The following ZNF445 variants were observed in gnomAD, a reference collection of about 807,000 sequenced individuals.
The protein encoded by ZNF445 is zinc finger protein 168.
In ZNF445, 19 loss-of-function variants were observed where a neutral mutation model predicts 93.9. That is an observed-to-expected ratio of 0.20 (90% confidence interval 0.14 to 0.30). The LOEUF is 0.30. ZNF445 is among the 10% of genes least tolerant of loss of function. ZNF445 has a pLI of 1.00. For synonymous variants in ZNF445, 449 were observed against 446.3 expected (o/e 1.01, Z -0.08); for missense variants, 1,058 against 1,259.4 (o/e 0.84, Z 2.42).
intron 4 of ZNF445, 118 bp downstream of exon 4, chr3:44,451,196 A>G (rs1697952155): frequency 1.5e-6 from 2 of 1,314,994 alleles, no homozygotes; most frequent in Non-Finnish European, 2.1e-6. Context: ...GAGGACAGAG[A>G]GCTAAGGGCC....
rs1697914989 is a variant in ZNF445, at chr3:44,448,713, T to C, written c.958A>G (p.Lys320Glu). Residue 320 changes from lysine (K) to glutamate (E), a missense_variant, in exon 8 of 8, where the codon AAA (lysine) becomes GAA (glutamate). Coordinates refer to ENST00000396077, the MANE Select transcript of ZNF445 (RefSeq NM_181489.6). ...AAAGGTTCCTGATTTAAGATGAATT[T>C]GTTTGTTTTACTCTGGAGGTCATCT... ...TGDDLQSKTN[K>E]FILNQEPLEE... The C allele has an allele frequency of 6.2e-7, 1 of 1,613,092 alleles. No individual in the cohort carries two copies. The highest frequency in any genetic ancestry group is 1.7e-5 in the Admixed American group (1 of 59,722).
In ZNF445 at chr3:44,448,284, C is replaced by G. The variant is rs758892823; in HGVS notation, c.1387G>C (p.Gly463Arg). ...GLKGNKKDVC[G>R]KDFSLSSHHQ... The stretch of plus-strand genomic sequence containing the variant: ...TGAGAGCTAAGGCTGAAGTCTTTTC[C>G]ACACACGTCCTTTTTGTTCCCTTTC... The change falls in exon 8 of 8, where the codon GGA becomes CGA. Residue 463 changes from glycine (G) to arginine (R), a missense_variant. Physicochemically the swap from Gly to Arg is moderately radical, Grantham distance 125 (BLOSUM62 -2). This residue lies in a region of ZNF445 where 657 missense variants were observed against 746.4 expected (regional missense o/e 0.88). Coordinates refer to ENST00000396077, the MANE Select transcript of ZNF445 (RefSeq NM_181489.6). The G allele has an allele frequency of 1.9e-6, 3 of 1,614,162 alleles. No homozygotes were observed. The South Asian group carries it at 3.3e-5, about 18-fold the overall frequency.
At position 44,447,696 on chromosome 3, in the gene ZNF445, G is replaced by A. The variant is rs753856451; in HGVS notation, c.1975C>T (p.Arg659Cys). ...EEKFYKQDEC[R>C]EGFRQSPDCS... ...TCAGGAGATTGCCTGAAGCCTTCAC[G>A]ACATTCATCTTGTTTGTAGAATTTT... Residue 659 changes from arginine (R) to cysteine (C), a missense_variant, in exon 8 of 8, where the codon CGT (arginine) becomes TGT (cysteine). Physicochemically the swap from Arg to Cys is radical, Grantham distance 180. Around this residue, in one of 3 missense-constraint regions of ZNF445, gnomAD observed 387 missense variants for 475.7 expected, o/e 0.81. Transcript: ENST00000396077. The surrounding 1 kb of genome is among the most constrained non-coding windows in gnomAD (Gnocchi z 4.7). 14 of 1,613,946 alleles carry A rather than the reference G, an allele frequency of 8.7e-6. No homozygotes were observed. In the East Asian group the frequency reaches 8.9e-5, roughly 10 times the overall value.
At chr3:44,476,749 C>T (rs1698363955) in intron 1 of ZNF445, among the ~76,000 whole-genome samples, 1 of 152,146 alleles carries the variant, frequency 6.6e-6, no homozygotes, top group Admixed American at 6.5e-5. Context: ...TTAAAAACTG[C>T]ATTTTATATA....
rs779598477 is a variant in ZNF445 at position 44,438,039 on chromosome 3, G to GT, written c.*8535dup. On this transcript the variant is annotated 3_prime_UTR_variant, in exon 8 of 8. Coordinates refer to ENST00000396077, the MANE Select transcript of ZNF445 (RefSeq NM_181489.6). ...TTACCCAGCCCCTATTCAACATGGA[G>GT]TTGCTCTCGTTCCAATGCTTCTGAC... The GT allele has an allele frequency of 5.2e-5, 8 of 152,456 alleles. No homozygotes were observed. The highest frequency in any genetic ancestry group is 1.0e-4 in the Non-Finnish European group (7 of 68,028). The allele number at this position is 152,456 out of a possible 1,614,324, so 9.4% of individuals were successfully genotyped here.
chr3:44,456,667 T>C (rs749049646), intron 2 of ZNF445, among the ~76,000 whole-genome samples: 28 of 152,236 alleles, frequency 1.8e-4, no homozygotes, highest in Middle Eastern at 3.2e-3. Flanking sequence ...TTTGCTATTA[T>C]AATATTTTAA....
At chr3:44,459,455 T>C (rs1698076962) in intron 1 of ZNF445, among the ~76,000 whole-genome samples, 1 of 152,324 alleles carries the variant, frequency 6.6e-6, no homozygotes, top group African/African-American at 2.4e-5. Context: ...TAAGGTAATG[T>C]GTGGTTAATA....
rs1025274519 is a variant in ZNF445, at chr3:44,432,310, G to T, written c.*14265C>A. 1.1e-4 allele frequency: 13 copies of T among 115,998 alleles called. No homozygotes were observed. The highest frequency in any genetic ancestry group is 4.5e-4 in the East Asian group (2 of 4,470). The allele number at this position is 115,998 out of a possible 1,614,324, so 7.2% of individuals were successfully genotyped here. A position where few individuals can be genotyped will look rare whatever the true frequency, so the allele number is the denominator to read the frequency against. On this transcript the variant is annotated 3_prime_UTR_variant, in exon 8 of 8. Coordinates refer to ENST00000396077, the MANE Select transcript of ZNF445 (RefSeq NM_181489.6). Reference sequence around the variant, plus strand: ...GTGTGTGTGTGTGTGTGTGTGTGTGGATGGAGATAGAGAGAGAGGGATTTA... The same window carrying T: ...GTGTGTGTGTGTGTGTGTGTGTGTGTATGGAGATAGAGAGAGAGGGATTTA...
At chr3:44,453,203 G>A (rs1003377848) in intron 3 of ZNF445, among the ~76,000 whole-genome samples, 2 of 151,752 alleles carry the variant, frequency 1.3e-5, no homozygotes, top group African/African-American at 2.4e-5. Context: ...GAGCCACCGC[G>A]CCAAGCTACA....
At chr3:44,461,757 A>G (rs1351715678) in intron 1 of ZNF445, among the ~76,000 whole-genome samples, 1 of 152,232 alleles carries the variant, frequency 6.6e-6, no homozygotes, top group Non-Finnish European at 1.5e-5. Flanking sequence ...TTTTGCTGGG[A>G]TAGAAAATGT....
rs1456985401 is a variant in ZNF445, at chr3:44,440,236, C to A, written c.*6339G>T. 6.6e-6 allele frequency: 1 copy of A among 152,186 alleles called. No homozygotes were observed. Among genetic ancestry groups the A allele is most frequent in the Non-Finnish European group, 1.5e-5 (1 of 68,026 alleles). 9.4% of individuals were successfully genotyped at this position (152,186 alleles called of 1,614,324 possible). On this transcript the variant is annotated 3_prime_UTR_variant, in exon 8 of 8. Transcript: ENST00000396077. ...TAAAACCTGGCTGATATAAAATCTC[C>A]TTGCTGTTCTTAGCAGGGTTAACAT...
At chr3:44,450,295 AAGAGGCTAC>A (rs1360971501) in intron 6 of ZNF445, 143 bp downstream of exon 6, 10 of 895,128 alleles carry the variant, frequency 1.1e-5, no homozygotes, top group Non-Finnish European at 1.7e-5. Flanking sequence ...CATTTTTCAA[AAGAGGCTAC>A]CAAGGTGCTA....
At chr3:44,474,495 C>T (rs1287001765) in intron 1 of ZNF445, among the ~76,000 whole-genome samples, 3 of 152,082 alleles carry the variant, frequency 2.0e-5, no homozygotes, top group Admixed American at 1.3e-4. Flanking sequence ...GCCAGTGCAA[C>T]AAGAGCAAAA....
At chr3:44,460,201 T>C (rs904280229) in intron 1 of ZNF445, among the ~76,000 whole-genome samples, 3 of 152,220 alleles carry the variant, frequency 2.0e-5, no homozygotes, top group Non-Finnish European at 4.4e-5. Flanking sequence ...TGCAAAATTA[T>C]GACTTAGACA....
rs994986033 is a variant in ZNF445, at chr3:44,442,544, C to T, written c.*4031G>A. 2 of 152,220 alleles carry T rather than the reference C, an allele frequency of 1.3e-5. No homozygotes were observed. The highest frequency in any genetic ancestry group is 4.8e-5 in the African/African-American group (2 of 41,446). 9.4% of individuals were successfully genotyped at this position (152,220 alleles called of 1,614,324 possible). A position where few individuals can be genotyped will look rare whatever the true frequency, so the allele number is the denominator to read the frequency against. On this transcript the variant is annotated 3_prime_UTR_variant, in exon 8 of 8. Transcript: ENST00000396077. Reference sequence around the variant, plus strand: ...GGTCTGTATTATTTTACATTTCAGTCAGTCTTGGTCAGCAGGGGTGGGGCA... The same window carrying T: ...GGTCTGTATTATTTTACATTTCAGTTAGTCTTGGTCAGCAGGGGTGGGGCA...
chr3:44,447,638 T>A lies in ZNF445; in HGVS notation c.2033A>T (p.Glu678Val). Residue 678 changes from glutamate to valine, a missense_variant, in exon 8 of 8, where the codon GAG becomes GTG. Glu to Val is a moderately radical substitution (Grantham distance 121). This residue lies in a region of ZNF445 where 387 missense variants were observed against 475.7 expected (regional missense o/e 0.81). Transcript: ENST00000396077. The surrounding 1 kb of genome is among the most constrained non-coding windows in gnomAD (Gnocchi z 4.7). Reference protein sequence around the residue: ...CSQPQGAPAVEKTFLCQQCGK... With the variant: ...CSQPQGAPAVVKTFLCQQCGK... Reference sequence around the variant, plus strand: ...ACACTGCTGACACAGAAATGTTTTCTCCACAGCGGGAGCACCCTGGGGCTG... The same window carrying A: ...ACACTGCTGACACAGAAATGTTTTCACCACAGCGGGAGCACCCTGGGGCTG... 6.2e-7 allele frequency: 1 copy of A among 1,614,110 alleles called. No individual in the cohort carries two copies. The highest frequency in any genetic ancestry group is 8.5e-7 in the Non-Finnish European group (1 of 1,180,026).
chr3:44,472,515 T>C (rs886072944), intron 1 of ZNF445, among the ~76,000 whole-genome samples: 3 of 152,180 alleles, frequency 2.0e-5, no homozygotes, highest in African/African-American at 7.2e-5. Context: ...CTGGCAGTAA[T>C]GTATTTGTAA....
intron 1 of ZNF445, among the ~76,000 whole-genome samples, chr3:44,468,987 G>A (rs1698230205): frequency 3.3e-5 from 5 of 150,732 alleles, no homozygotes; most frequent in Admixed American, 3.3e-4. Flanking sequence ...GCCAGGTGCA[G>A]TGACTCATGC....
chr3:44,452,932 T>TC (rs397962719), intron 3 of ZNF445, among the ~76,000 whole-genome samples: 5 of 151,266 alleles, frequency 3.3e-5, no homozygotes, highest in Admixed American at 2.6e-4. Context: ...TTTTTTTTTT[T>TC]CGGACATAGT....
Sources: gnomAD v4.1 joint callset for allele counts (sites outside exome capture counted in the v4.1 genomes callset) on GRCh38, gnomAD v4.1.1 for gene constraint, gnomAD v4.1.1 regional missense constraint, Gnocchi (gnomAD v3.1) non-coding constraint, MANE v1.5 for transcripts, NCBI Gene and HGNC (gene_info 2026-07-23, HGNC 2026-07-21) for gene names.